Variants in FSHR observed in about 807,000 individuals in gnomAD.
FSHR encodes follicle stimulating hormone receptor, also known as follicle-stimulating hormone receptor.
In FSHR, 46 loss-of-function variants were observed where a neutral mutation model predicts 52.1. The observed-to-expected ratio is 0.88, with a 90% CI of 0.70 to 1.13. The LOEUF is 1.13. Ranked by LOEUF, FSHR falls within the 50% of genes most tolerant of loss-of-function variation. The probability of loss-of-function intolerance (pLI) is 0.00; values close to 1 mark genes in which losing one functional copy is unlikely to be tolerated. For missense variants in FSHR, 964 were observed against 834.6 expected, an observed-to-expected ratio of 1.16 and a Z score of -1.91; for synonymous variants, 399 against 309.6, an observed-to-expected ratio of 1.29 and a Z score of -3.03.
At chr2:49,057,086 A>T (rs1312152544) in intron 2 of FSHR, among the ~76,000 whole-genome samples, 5 of 152,064 alleles carry the variant, frequency 3.3e-5, no homozygotes, top group African/African-American at 4.8e-5. Context: ...AAATAAACCA[A>T]TTAACACTGC....
At chr2:48,966,836 C>CCT (rs1399496033) in intron 9 of FSHR, among the ~76,000 whole-genome samples, 1 of 152,190 alleles carries the variant, frequency 6.6e-6, no homozygotes, top group African/African-American at 2.4e-5. Flanking sequence ...GAACCATGTT[C>CCT]CTCTCCCTTG....
chr2:49,012,639 G>A (rs2104191813), intron 4 of FSHR, among the ~76,000 whole-genome samples: 1 of 152,238 alleles, frequency 6.6e-6, no homozygotes, highest in Non-Finnish European at 1.5e-5. Flanking sequence ...TTCAGTGGCT[G>A]TGATGATTAA....
chr2:49,119,204 A>C (rs1218578759), intron 1 of FSHR, among the ~76,000 whole-genome samples: 1 of 152,224 alleles, frequency 6.6e-6, no homozygotes, highest in African/African-American at 2.4e-5. Flanking sequence ...ATAGTGGGGC[A>C]ATATCCCCAA....
intron 2 of FSHR, among the ~76,000 whole-genome samples, chr2:49,056,797 T>G (rs926134578): frequency 1.3e-5 from 2 of 151,874 alleles, no homozygotes; most frequent in Non-Finnish European, 2.9e-5. Context: ...TTTAAAAATA[T>G]CAAAATTATG....
chr2:49,153,177 T>G (rs1257284113), intron 1 of FSHR, among the ~76,000 whole-genome samples: 2 of 152,250 alleles, frequency 1.3e-5, no homozygotes, highest in African/African-American at 2.4e-5. Context: ...CCAACATGTT[T>G]CAGTGTCAAT....
rs973005853 is a variant in FSHR at position 49,053,456 on chromosome 2, T to G, written c.224+14763A>C. 2.0e-5 allele frequency among the ~76,000 whole-genome samples: 3 copies of G among 152,188 alleles called. No individual in the cohort carries two copies. The East Asian group carries it at 5.8e-4, about 29-fold the overall frequency. On this transcript the variant is annotated intron_variant, in intron 2 of 9. Coordinates refer to ENST00000406846, the MANE Select transcript of FSHR (RefSeq NM_000145.4). Reference sequence around the variant, plus strand: ...CCCTATTCAATGTAATCTTCACACTTTATACCAAGCTGACATATGGCTCCG... The same window carrying G: ...CCCTATTCAATGTAATCTTCACACTGTATACCAAGCTGACATATGGCTCCG...
intron 1 of FSHR, among the ~76,000 whole-genome samples, chr2:49,073,329 A>T (rs1164982609): frequency 6.6e-6 from 1 of 152,008 alleles, no homozygotes; most frequent in Non-Finnish European, 1.5e-5. Context: ...CTACCAACAA[A>T]CTCTTAGAAC....
intron 5 of FSHR, among the ~76,000 whole-genome samples, chr2:48,989,529 G>T (rs1404438070): frequency 1.3e-5 from 2 of 152,128 alleles, no homozygotes; most frequent in East Asian, 3.9e-4. Flanking sequence ...TGATCTGCCT[G>T]CCTTGGCTTC....
intron 2 of FSHR, among the ~76,000 whole-genome samples, chr2:49,046,271 G>A (rs540779847): frequency 1.2e-4 from 19 of 152,256 alleles, no homozygotes; most frequent in East Asian, 1.2e-3. Context: ...GTTTATGTAC[G>A]TCCTACTTCT....
intron 2 of FSHR, among the ~76,000 whole-genome samples, chr2:49,039,624 A>C (rs1268534234): frequency 6.6e-6 from 1 of 152,154 alleles, no homozygotes; most frequent in Non-Finnish European, 1.5e-5. Flanking sequence ...ACTTTTTTCC[A>C]AACTGGTAGC....
chr2:49,074,872 C>T (rs1263267747), intron 1 of FSHR, among the ~76,000 whole-genome samples: 2 of 152,054 alleles, frequency 1.3e-5, no homozygotes, highest in African/African-American at 2.4e-5. Flanking sequence ...AGAATAAAAT[C>T]CTGTCATTTG....
At chr2:49,008,137 A>G (rs1182478279) in intron 4 of FSHR, among the ~76,000 whole-genome samples, 1 of 141,118 alleles carries the variant, frequency 7.1e-6, no homozygotes, top group Non-Finnish European at 1.6e-5. Flanking sequence ...CTAACTCGTC[A>G]TCTAGCATTA....
intron 2 of FSHR, among the ~76,000 whole-genome samples, chr2:49,043,789 T>G (rs1390556849): frequency 1.3e-5 from 2 of 152,188 alleles, no homozygotes; most frequent in African/African-American, 2.4e-5. Flanking sequence ...CAAAATGACA[T>G]GGATTGTGGG....
In FSHR at chr2:49,129,820, G is replaced by A. The variant is rs535952467; in HGVS notation, c.152+24446C>T. 1.1e-4 allele frequency among the ~76,000 whole-genome samples: 17 copies of A among 152,224 alleles called. 1 individual carries two copies. In the South Asian group the frequency reaches 3.3e-3, roughly 30 times the overall value. On this transcript the variant is annotated intron_variant, in intron 1 of 9. Transcript: ENST00000406846. Reference sequence around the variant, plus strand: ...CGCCTTCAAAATTCTGTACCATATGGTCTGGCAGACCCTACTGAGGTTGAA... The same window carrying A: ...CGCCTTCAAAATTCTGTACCATATGATCTGGCAGACCCTACTGAGGTTGAA...
chr2:49,140,243 A>G (rs1328166787), intron 1 of FSHR, among the ~76,000 whole-genome samples: 2 of 152,088 alleles, frequency 1.3e-5, no homozygotes, highest in Non-Finnish European at 2.9e-5. Flanking sequence ...CCCCTTGGTG[A>G]TAAGTGAGCT....
chr2:49,036,096 A>G lies in FSHR; in HGVS notation c.225-15936T>C, dbSNP rs928901233. ...TAGATTCTAACAAAAAGAAAGGTAGATATATGTACCATGTATTTTAGATTC... is the reference window on the plus strand; with the variant it reads ...TAGATTCTAACAAAAAGAAAGGTAGGTATATGTACCATGTATTTTAGATTC... On this transcript the variant is annotated intron_variant, in intron 2 of 9. Coordinates refer to ENST00000406846, the MANE Select transcript of FSHR (RefSeq NM_000145.4). Among the ~76,000 whole-genome samples the G allele has an allele frequency of 7.9e-5, 12 of 152,332 alleles. No homozygotes were observed. In the South Asian group the frequency reaches 1.2e-3, roughly 16 times the overall value.
At chr2:48,975,304 C>T (rs901976144) in intron 8 of FSHR, among the ~76,000 whole-genome samples, 16 of 152,038 alleles carry the variant, frequency 1.1e-4, no homozygotes, top group Admixed American at 6.5e-5. Context: ...CCCCCACCCC[C>T]TTGGATTCTC....
intron 1 of FSHR, among the ~76,000 whole-genome samples, chr2:49,092,271 G>A (rs1670641441): frequency 6.6e-6 from 1 of 152,148 alleles, no homozygotes; most frequent in Admixed American, 6.5e-5. Flanking sequence ...TTTTTTTGGA[G>A]ACCCATTGCG....
rs1349258796 is a variant in FSHR at position 49,104,927 on chromosome 2, G to A, written c.153-36637C>T. Among the ~76,000 whole-genome samples the A allele has an allele frequency of 2.7e-4, 41 of 152,040 alleles. 1 individual carries two copies. The highest frequency in any genetic ancestry group is 2.7e-3 in the Admixed American group (41 of 15,244). ...GACCACCCTTCTAAAAACTTTTGAG[G>A]GCATGTAGAGAATGAGAAGGGCTTG... is the stretch of plus-strand genomic sequence containing the variant. On this transcript the variant is annotated intron_variant, in intron 1 of 9. Coordinates refer to ENST00000406846, the MANE Select transcript of FSHR (RefSeq NM_000145.4).
Sources: allele counts gnomAD v4.1 joint callset (sites outside exome capture counted in the v4.1 genomes callset), GRCh38; gene constraint gnomAD v4.1.1; transcripts MANE v1.5; gene names NCBI Gene and HGNC (gene_info 2026-07-23, HGNC 2026-07-21).